Variants in ZNF35 observed in about 807,000 individuals in gnomAD.
The protein encoded by ZNF35 is zinc finger protein 35 (clone HF.10).
Under a neutral mutation model 45.9 loss-of-function variants are expected in ZNF35, and 31 were observed. The ratio of observed to expected loss-of-function variants is 0.68; its 90% confidence interval spans 0.51 to 0.91. The LOEUF is 0.91. Ranked by LOEUF, ZNF35 falls within the 40% of genes least tolerant of loss-of-function variation. The pLI is 0.00. For synonymous variants in ZNF35, 205 were observed against 220.2 expected (o/e 0.93, Z 0.61); for missense variants, 515 against 625.4 (o/e 0.82, Z 1.88).
chr3:44,652,677 A>C lies in ZNF35; in HGVS notation c.313A>C (p.Thr105Pro), dbSNP rs1703226153. ...GTLAKSEILETHGTMNFLGAE... is the reference protein window; with the variant it reads ...GTLAKSEILEPHGTMNFLGAE... The stretch of plus-strand genomic sequence containing the variant: ...TCTGGCCAAGAGTGAGATACTGGAG[A>C]CTCATGGGACCATGAACTTTCTAGG... Residue 105 changes from threonine to proline, a missense_variant, in exon 3 of 4, where the codon ACT becomes CCT. By Grantham distance (38) the Thr-to-Pro change is conservative. Transcript: ENST00000396056. 1 of 1,601,890 alleles carries C rather than the reference A, an allele frequency of 6.2e-7. No individual in the cohort carries two copies. The highest frequency in any genetic ancestry group is 1.3e-5 in the African/African-American group (1 of 74,246).
chr3:44,651,092 A>G lies in ZNF35; in HGVS notation c.25A>G (p.Met9Val). 6 of 1,614,066 alleles carry G rather than the reference A, an allele frequency of 3.7e-6. No individual in the cohort carries two copies. The highest frequency in any genetic ancestry group is 5.1e-6 in the Non-Finnish European group (6 of 1,180,008). Residue 9 changes from methionine to valine, a missense_variant, in exon 2 of 4, where the codon ATG (methionine) becomes GTG (valine). By Grantham distance (21) the Met-to-Val change is conservative (BLOSUM62 1). Around this residue, in one of 3 missense-constraint regions of ZNF35, gnomAD observed 275 missense variants for 295.7 expected, o/e 0.93. Coordinates refer to ENST00000396056, the MANE Select transcript of ZNF35 (RefSeq NM_003420.4). ...GATGACTGCAGAATTGAGAGAAGCC[A>G]TGGCCCTAGCCCCATGGGGCCCAGT... Reference protein sequence around the residue: MTAELREAMALAPWGPVKV... With the variant: MTAELREAVALAPWGPVKV...
intron 1 of ZNF35, among the ~76,000 whole-genome samples, chr3:44,649,747 ATATT>A (rs1703146729): frequency 6.6e-6 from 1 of 152,240 alleles, no homozygotes; most frequent in Non-Finnish European, 1.5e-5. Flanking sequence ...AAACTTTTAA[ATATT>A]AATAAAATGG....
intron 3 of ZNF35, among the ~76,000 whole-genome samples, chr3:44,658,177 C>G (rs1289128900): frequency 6.6e-6 from 1 of 152,198 alleles, no homozygotes; most frequent in African/African-American, 2.4e-5. Context: ...GTTACCCTTT[C>G]TGTCCGTGCT....
chr3:44,654,124 A>G (rs1340860011), intron 3 of ZNF35, among the ~76,000 whole-genome samples: 1 of 152,162 alleles, frequency 6.6e-6, no homozygotes, highest in Non-Finnish European at 1.5e-5. Context: ...TTTATCAGCC[A>G]TTCATAGTCT....
At chr3:44,653,306 C>G (rs1559483696) in intron 3 of ZNF35, among the ~76,000 whole-genome samples, 1 of 152,182 alleles carries the variant, frequency 6.6e-6, no homozygotes, top group Non-Finnish European at 1.5e-5. Context: ...TTGCTTGGAA[C>G]TCCAAACTAT....
At chr3:44,650,807 A>C in intron 1 of ZNF35, 134 bp from the exon 2 acceptor site, 3 of 371,800 alleles carry the variant, frequency 8.1e-6, no homozygotes, top group Non-Finnish European at 9.7e-6. Flanking sequence ...TGAGGGAGGA[A>C]TAGAGGATTC....
chr3:44,658,829 TG>T lies in ZNF35; in HGVS notation c.467del (p.Cys156LeufsTer7). 6.2e-7 allele frequency: 1 copy of T among 1,613,472 alleles called. No individual in the cohort carries two copies. The highest frequency in any genetic ancestry group is 8.5e-7 in the Non-Finnish European group (1 of 1,179,890). On this transcript the variant is annotated frameshift_variant, in exon 4 of 4. Transcript: ENST00000396056. LOFTEE classifies it high-confidence loss of function. ...DPQGPELGEA[C>X]EKGNMLKRQR... ...TCAAGGACCTGAGTTAGGAGAAGCTTGTGAAAAGGGAAACATGTTAAAGAGG... is the reference window on the plus strand; with the variant it reads ...TCAAGGACCTGAGTTAGGAGAAGCTTTGAAAAGGGAAACATGTTAAAGAGG...
At chr3:44,650,061 A>C (rs1321072349) in intron 1 of ZNF35, among the ~76,000 whole-genome samples, 1 of 132,070 alleles carries the variant, frequency 7.6e-6, no homozygotes, top group South Asian at 2.2e-4. Flanking sequence ...CTAAACTGAT[A>C]AGTACTTTGT....
In ZNF35 at chr3:44,658,875, A is replaced by G; in HGVS notation, c.512A>G (p.Lys171Arg). Residue 171 changes from lysine to arginine, a missense_variant, in exon 4 of 4, where the codon AAG becomes AGG. Lys to Arg is a conservative substitution (Grantham distance 26). This residue lies in a region of ZNF35 where 275 missense variants were observed against 295.7 expected (regional missense o/e 0.93). Transcript: ENST00000396056. ...AAGAGGCAGAGAATAAAGAGAGAAA[A>G]GAAAGATTTCAGACAAGTGATAGTG... ...MLKRQRIKRE[K>R]KDFRQVIVND... is the part of the protein sequence containing the mutation. The G allele has an allele frequency of 1.2e-6, 2 of 1,612,756 alleles. No individual in the cohort carries two copies. The highest frequency in any genetic ancestry group is 8.5e-7 in the Non-Finnish European group (1 of 1,179,758).
At chr3:44,649,179 A>T (rs1325214911) in intron 1 of ZNF35, among the ~76,000 whole-genome samples, 5 of 152,348 alleles carry the variant, frequency 3.3e-5, no homozygotes, top group Non-Finnish European at 5.9e-5. Flanking sequence ...GCCGTCTGGG[A>T]CCGGAGGTCC....
intron 3 of ZNF35, among the ~76,000 whole-genome samples, chr3:44,655,831 G>A (rs569766014): frequency 2.6e-5 from 4 of 152,336 alleles, no homozygotes; most frequent in Non-Finnish European, 4.4e-5. Context: ...AATTGTTTCC[G>A]TTATTGGCTC....
At chr3:44,655,361 C>T (rs1026690767) in intron 3 of ZNF35, among the ~76,000 whole-genome samples, 4 of 151,126 alleles carry the variant, frequency 2.6e-5, no homozygotes, top group African/African-American at 7.3e-5. Context: ...CTTCTTATCT[C>T]AGAATACAGT....
At position 44,651,151 on chromosome 3, in the gene ZNF35, C is replaced by A; in HGVS notation, c.84C>A (p.Asn28Lys). 1 of 1,614,182 alleles carries A rather than the reference C, an allele frequency of 6.2e-7. No homozygotes were observed. Among genetic ancestry groups the A allele is most frequent in the Admixed American group, 1.7e-5 (1 of 60,028 alleles). Residue 28 changes from asparagine to lysine, a missense_variant, in exon 2 of 4, where the codon AAC (asparagine) becomes AAA (lysine). This residue lies in a region of ZNF35 where 275 missense variants were observed against 295.7 expected (regional missense o/e 0.93). Transcript: ENST00000396056. ...AAAAGGAGGAGGAAGAAGAAGAAAACTTCCCAGGTCAGGCATCCAGCCAAC... is the reference window on the plus strand; with the variant it reads ...AAAAGGAGGAGGAAGAAGAAGAAAAATTCCCAGGTCAGGCATCCAGCCAAC... Reference protein sequence around the residue: ...KVKKEEEEEENFPGQASSQQV... With the variant: ...KVKKEEEEEEKFPGQASSQQV...
rs1703382665 is a variant in ZNF35 at position 44,660,673 on chromosome 3, C to G, written c.*726C>G. The G allele has an allele frequency of 6.6e-6, 1 of 152,318 alleles. No homozygotes were observed. The highest frequency in any genetic ancestry group is 1.5e-5 in the Non-Finnish European group (1 of 68,124). 9.4% of individuals were successfully genotyped at this position (152,318 alleles called of 1,614,324 possible). Reference sequence around the variant, plus strand: ...ATTCATTTGCCAAGATCAACAGCTCCTTCTCCAAACAACTCAAGCCCCCAA... The same window carrying G: ...ATTCATTTGCCAAGATCAACAGCTCGTTCTCCAAACAACTCAAGCCCCCAA... On this transcript the variant is annotated 3_prime_UTR_variant, in exon 4 of 4. Transcript: ENST00000396056.
In ZNF35 at chr3:44,660,396, T is replaced by G. The variant is rs1238032597; in HGVS notation, c.*449T>G. 6.5e-6 allele frequency: 1 copy of G among 154,474 alleles called. No individual in the cohort carries two copies. 9.6% of individuals were successfully genotyped at this position (154,474 alleles called of 1,614,324 possible). On this transcript the variant is annotated 3_prime_UTR_variant, in exon 4 of 4. Coordinates refer to ENST00000396056, the MANE Select transcript of ZNF35 (RefSeq NM_003420.4). Reference sequence around the variant, plus strand: ...GTGGTGACTGGGTAAGGAAACCACTTGGGGTAGCAGTTCAACAATTCACTT... The same window carrying G: ...GTGGTGACTGGGTAAGGAAACCACTGGGGGTAGCAGTTCAACAATTCACTT...
intron 3 of ZNF35, among the ~76,000 whole-genome samples, chr3:44,657,142 C>G (rs1703324113): frequency 6.6e-6 from 1 of 152,174 alleles, no homozygotes; most frequent in South Asian, 2.1e-4. Flanking sequence ...GCAATCAAAC[C>G]AGGCTGTTTT....
At chr3:44,647,893 G>A (rs1419289416), upstream of ZNF35, 2 of 152,166 alleles carry the variant, frequency 1.3e-5, no homozygotes, top group African/African-American at 4.8e-5. Flanking sequence ...CTTGATTGCA[G>A]TGGTGGTTAC....
Position 44,659,686 on chromosome 3 carries a change from T to A in ZNF35, c.1323T>A (p.Ser441Arg). 1 of 1,614,204 alleles carries A rather than the reference T, an allele frequency of 6.2e-7. No homozygotes were observed. The highest frequency in any genetic ancestry group is 8.5e-7 in the Non-Finnish European group (1 of 1,180,026). Residue 441 changes from serine (S) to arginine (R), a missense_variant, in exon 4 of 4, where the codon AGT becomes AGA. Coordinates refer to ENST00000396056, the MANE Select transcript of ZNF35 (RefSeq NM_003420.4). This position sits in a 1 kb window ranked among gnomAD's most constrained non-coding sequence, Gnocchi z 4.3. ...TTATTGTCCACCAGAGAATTCACAG[T>A]GGAGATCTTCCTTACGTGTGTAATG... ...SCLIVHQRIH[S>R]GDLPYVCNEC...
Position 44,660,771 on chromosome 3 carries a change from C to T in ZNF35, c.*824C>T, listed in dbSNP as rs1227410562. On this transcript the variant is annotated 3_prime_UTR_variant, in exon 4 of 4. Coordinates refer to ENST00000396056, the MANE Select transcript of ZNF35 (RefSeq NM_003420.4). ...TGGATGAAGGAGTCAAAGAATAAAGCTTGCCTAGAGGCATGCCCCAGTTGT... is the reference window on the plus strand; with the variant it reads ...TGGATGAAGGAGTCAAAGAATAAAGTTTGCCTAGAGGCATGCCCCAGTTGT... 1 of 152,246 alleles carries T rather than the reference C, an allele frequency of 6.6e-6. No individual in the cohort carries two copies. The highest frequency in any genetic ancestry group is 1.5e-5 in the Non-Finnish European group (1 of 68,042). 9.4% of individuals were successfully genotyped at this position (152,246 alleles called of 1,614,324 possible). A position where few individuals can be genotyped will look rare whatever the true frequency, so the allele number is the denominator to read the frequency against.
Sources: gnomAD v4.1 joint callset for allele counts (sites outside exome capture counted in the v4.1 genomes callset) on GRCh38, gnomAD v4.1.1 for gene constraint, gnomAD v4.1.1 regional missense constraint, Gnocchi (gnomAD v3.1) non-coding constraint, MANE v1.5 for transcripts, NCBI Gene and HGNC (gene_info 2026-07-23, HGNC 2026-07-21) for gene names.